Variants in WDFY4 observed in about 807,000 individuals in gnomAD.
WDFY4 encodes the protein WDFY family member 4.
A neutral mutation model predicts 351.9 loss-of-function variants in WDFY4; 169 were observed. The ratio of observed to expected loss-of-function variants is 0.48; its 90% CI spans 0.42 to 0.55. WDFY4 has a LOEUF of 0.55. Ranked by LOEUF, WDFY4 falls within the 20% of genes least tolerant of loss-of-function variation. WDFY4 has a pLI of 0.00. For synonymous variants in WDFY4, 1,622 were observed against 1,574.6 expected, an observed-to-expected ratio of 1.03 and a Z score of -0.71; for missense variants, 3,803 against 3,935.6, an observed-to-expected ratio of 0.97 and a Z score of 0.90.
At chr10:48,833,694 G>A (rs2068277922) in intron 39 of WDFY4, among the ~76,000 whole-genome samples, 2 of 152,194 alleles carry the variant, frequency 1.3e-5, no homozygotes, top group Admixed American at 1.3e-4. Context: ...CTAATCCCAG[G>A]GGCACTGACT....
At chr10:48,708,228 A>G (rs1388124952) in intron 1 of WDFY4, among the ~76,000 whole-genome samples, 2 of 152,172 alleles carry the variant, frequency 1.3e-5, no homozygotes, top group Admixed American at 1.3e-4. Context: ...GTGCTCGAAG[A>G]GGAGCTGGGG....
intron 55 of WDFY4, chr10:48,966,917 TCACACACATA>T (rs1842110708): frequency 1.8e-6 from 1 of 543,294 alleles, no homozygotes. Flanking sequence ...TCTGTCTCTC[TCACACACATA>T]CACACACAGA....
chr10:48,938,669 G>T (rs1053683433), intron 47 of WDFY4, among the ~76,000 whole-genome samples: 1 of 152,232 alleles, frequency 6.6e-6, no homozygotes, highest in South Asian at 2.1e-4. Flanking sequence ...GGTAGGGAAG[G>T]CCCTAAGGCC....
intron 39 of WDFY4, among the ~76,000 whole-genome samples, chr10:48,864,453 T>C (rs976486311): frequency 6.6e-5 from 10 of 152,246 alleles, no homozygotes; most frequent in Non-Finnish European, 1.5e-4. Flanking sequence ...TCTATTCTTA[T>C]GCCAGTGCTG....
At chr10:48,688,332 G>A (rs1433058894) in intron 1 of WDFY4, among the ~76,000 whole-genome samples, 1 of 151,976 alleles carries the variant, frequency 6.6e-6, no homozygotes, top group Non-Finnish European at 1.5e-5. Context: ...TTCAGAATTG[G>A]CTTTCAACAG....
chr10:48,939,206 A>G, intron 47 of WDFY4, among the ~76,000 whole-genome samples: 1 of 152,222 alleles, frequency 6.6e-6, no homozygotes, highest in East Asian at 1.9e-4. Context: ...CCACTCTGCC[A>G]CTGCACTCTC....
At chr10:48,758,946 T>C (rs1212444107) in intron 12 of WDFY4, among the ~76,000 whole-genome samples, 1 of 152,208 alleles carries the variant, frequency 6.6e-6, no homozygotes, top group Non-Finnish European at 1.5e-5. Flanking sequence ...GTTCATTCTA[T>C]GTTGAGCAAT....
chr10:48,723,659 T>C, intron 5 of WDFY4, 92 bp downstream of exon 5: 1 of 1,497,404 alleles, frequency 6.7e-7, no homozygotes, highest in Non-Finnish European at 9.0e-7. Flanking sequence ...TTTGTCTTTC[T>C]CAGCCCTGGT....
chr10:48,906,331 G>GT (rs35230459), intron 47 of WDFY4, among the ~76,000 whole-genome samples: 38,212 of 152,060 alleles, frequency 0.25, 7,066 homozygotes, highest in African/African-American at 0.52. Context: ...TGGTACCAGA[G>GT]TTTGCTGAGG....
chr10:48,844,279 G>C (rs779378997), intron 39 of WDFY4, among the ~76,000 whole-genome samples: 1 of 152,132 alleles, frequency 6.6e-6, no homozygotes, highest in Non-Finnish European at 1.5e-5. Flanking sequence ...GGAGGAGAGA[G>C]GGGAGACAGC....
Position 48,819,048 on chromosome 10 carries a change from G to A in WDFY4, c.5506-1186G>A, listed in dbSNP as rs539001068. Among the ~76,000 whole-genome samples the A allele has an allele frequency of 3.9e-5, 6 of 152,310 alleles. No individual in the cohort carries two copies. In the East Asian group the frequency reaches 7.7e-4, roughly 20 times the overall value. On this transcript the variant is annotated intron_variant, in intron 32 of 61. Coordinates refer to ENST00000325239, the MANE Select transcript of WDFY4 (RefSeq NM_001394531.1). ...GGCCAGGCTCGCCATCTGCTGAGTC[G>A]GGGCTCCAGCCGAGTGCCCCCGCCA...
intron 12 of WDFY4, among the ~76,000 whole-genome samples, chr10:48,754,081 G>A (rs1039510021): frequency 6.6e-6 from 1 of 152,106 alleles, no homozygotes; most frequent in Non-Finnish European, 1.5e-5. Context: ...GTTTTGTTAT[G>A]TTGAACCACC....
intron 12 of WDFY4, among the ~76,000 whole-genome samples, chr10:48,748,449 G>A (rs1184788869): frequency 6.6e-6 from 1 of 152,144 alleles, no homozygotes; most frequent in African/African-American, 2.4e-5. Flanking sequence ...GTCTGTGCGT[G>A]CGTGTATGTG....
intron 35 of WDFY4, chr10:48,823,738 G>GA: frequency 1.0e-6 from 1 of 992,398 alleles, no homozygotes; most frequent in Non-Finnish European, 1.2e-6. Context: ...AGGTGCCAGT[G>GA]GGGGCCACCG....
chr10:48,821,281 C>T lies in WDFY4; in HGVS notation c.5824+105C>T, dbSNP rs561291136. Reference sequence around the variant, plus strand: ...AACTGACCCTAGCTGTGGGATGCTGCCTCCACCTGGCGTCAGTCCCTCCAG... The same window carrying T: ...AACTGACCCTAGCTGTGGGATGCTGTCTCCACCTGGCGTCAGTCCCTCCAG... On this transcript the variant is annotated intron_variant, in intron 34 of 61. Coordinates refer to ENST00000325239, the MANE Select transcript of WDFY4 (RefSeq NM_001394531.1). 101 of 886,486 alleles carry T rather than the reference C, an allele frequency of 1.1e-4. No individual in the cohort carries two copies. In the South Asian group the frequency reaches 1.5e-3, roughly 13 times the overall value. The allele number at this position is 886,486 out of a possible 1,614,324, so 54.9% of individuals were successfully genotyped here. A position where few individuals can be genotyped will look rare whatever the true frequency, so the allele number is the denominator to read the frequency against.
At chr10:48,932,393 C>T (rs977710353) in intron 47 of WDFY4, 7 of 152,192 alleles carry the variant, frequency 4.6e-5, no homozygotes, top group Non-Finnish European at 8.8e-5. Flanking sequence ...ACCTTTCAAG[C>T]ACTGACAAAT....
chr10:48,901,324 T>C (rs944398887), intron 46 of WDFY4, among the ~76,000 whole-genome samples: 2 of 152,216 alleles, frequency 1.3e-5, no homozygotes, highest in Non-Finnish European at 2.9e-5. Flanking sequence ...CCCCCTATGG[T>C]TTCTGTTCAT....
intron 9 of WDFY4, among the ~76,000 whole-genome samples, chr10:48,732,512 A>C (rs1012961438): frequency 3.9e-5 from 6 of 152,154 alleles, no homozygotes; most frequent in Admixed American, 3.3e-4. Context: ...CTTCAGACTT[A>C]AGCCAAGGTC....
chr10:48,774,582 C>G lies in WDFY4; in HGVS notation c.2678C>G (p.Ala893Gly). Residue 893 changes from alanine (A) to glycine (G), a missense_variant, in exon 14 of 62, where the codon GCC (alanine) becomes GGC (glycine). This residue lies in a region of WDFY4 where 3,054 missense variants were observed against 3,148.6 expected (regional missense o/e 0.97). Transcript: ENST00000325239. ...LGTLMASCHR[A>G]LVTSGSPLHS... Reference sequence around the variant, plus strand: ...ACCCTCATGGCCTCCTGCCACAGGGCCCTGGTCACCAGTGGCAGCCCCCTC... The same window carrying G: ...ACCCTCATGGCCTCCTGCCACAGGGGCCTGGTCACCAGTGGCAGCCCCCTC... The G allele has an allele frequency of 6.4e-7, 1 of 1,551,628 alleles. No individual in the cohort carries two copies. The highest frequency in any genetic ancestry group is 8.7e-7 in the Non-Finnish European group (1 of 1,146,942).
Sources: gnomAD v4.1 joint callset for allele counts (sites outside exome capture counted in the v4.1 genomes callset) on GRCh38, gnomAD v4.1.1 for gene constraint, gnomAD v4.1.1 regional missense constraint, MANE v1.5 for transcripts, NCBI Gene and HGNC (gene_info 2026-07-23, HGNC 2026-07-21) for gene names.